KLHL25: variants seen among roughly 807,000 people sequenced by gnomAD.
KLHL25 encodes kelch-like protein 25.
Under a neutral mutation model 30.0 loss-of-function variants are expected in KLHL25, and 41 were observed. The observed-to-expected ratio is 1.37, with a 90% CI of 1.07 to 1.78. The LOEUF (loss-of-function observed/expected upper bound fraction) is 1.78, where lower values mean the gene tolerates loss of function less well. Ranked by LOEUF, KLHL25 falls within the 40% of genes most tolerant of loss-of-function variation. The pLI is 0.00. For missense variants in KLHL25, 971 were observed against 824.5 expected (o/e 1.18, Z -2.18); for synonymous variants, 399 against 355.3 (o/e 1.12, Z -1.38).
At chr15:85,770,439 G>A in intron 1 of KLHL25, 1 of 518,506 alleles carries the variant, frequency 1.9e-6, no homozygotes, top group Non-Finnish European at 4.0e-6. Context: ...AGCAGGCTCT[G>A]CCCTGGGCCG....
chr15:85,772,274 C>T (rs1012173480), intron 1 of KLHL25, among the ~76,000 whole-genome samples: 4 of 152,230 alleles, frequency 2.6e-5, no homozygotes, highest in African/African-American at 9.6e-5. Flanking sequence ...ACTGAGGTCA[C>T]GTTCAAGGGC....
rs764919196 is a variant in KLHL25 at position 85,769,560 on chromosome 15, T to G, written c.251A>C (p.Asp84Ala). The G allele has an allele frequency of 1.2e-6, 2 of 1,613,718 alleles. No individual in the cohort carries two copies. Among genetic ancestry groups the G allele is most frequent in the Non-Finnish European group, 1.7e-6 (2 of 1,180,024 alleles). The change falls in exon 2 of 3, where the codon GAT becomes GCT. Residue 84 changes from aspartate to alanine, a missense_variant. By Grantham distance (126) the Asp-to-Ala change is moderately radical. Coordinates refer to ENST00000337975, the MANE Select transcript of KLHL25 (RefSeq NM_022480.4). ...MFSHGLRESR[D>A]DTVNFQDNLH... ...GTTGTCCTGGAAGTTGACAGTGTCATCCCGGCTCTCCCGAAGGCCATGGCT... is the reference window on the plus strand; with the variant it reads ...GTTGTCCTGGAAGTTGACAGTGTCAGCCCGGCTCTCCCGAAGGCCATGGCT...
At chr15:85,773,130 C>T (rs7174861) in intron 1 of KLHL25, among the ~76,000 whole-genome samples, 4,108 of 152,336 alleles carry the variant, frequency 0.027, 201 homozygotes, top group African/African-American at 0.093. Context: ...GTACTGTCTC[C>T]CAAACTGCAC....
intron 1 of KLHL25, among the ~76,000 whole-genome samples, chr15:85,770,739 T>C (rs1257261062): frequency 2.0e-5 from 3 of 152,178 alleles, no homozygotes; most frequent in Admixed American, 2.0e-4. Context: ...GTCCCCCAGC[T>C]GACGCCAGGA....
rs1345544554 is a variant in KLHL25 at position 85,760,540 on chromosome 15, A to C, written c.*496T>G. ...CTGTCTTGGTCACCTTTCTGGTCTC[A>C]ACCCCTGGGAACCTAGTTTCCCAGG... On this transcript the variant is annotated 3_prime_UTR_variant, in exon 3 of 3. Transcript: ENST00000337975. 6.6e-6 allele frequency: 1 copy of C among 152,182 alleles called. No individual in the cohort carries two copies. Among genetic ancestry groups the C allele is most frequent in the East Asian group, 1.9e-4 (1 of 5,182 alleles). 9.4% of individuals were successfully genotyped at this position (152,182 alleles called of 1,614,324 possible).
chr15:85,767,918 T>C (rs992809517), intron 2 of KLHL25, 99 bp downstream of exon 2: 3 of 788,594 alleles, frequency 3.8e-6, no homozygotes, highest in African/African-American at 1.7e-5. Context: ...CAGACTTCCC[T>C]GGAAGACACG....
rs1301346068 is a variant in KLHL25 at position 85,789,802 on chromosome 15, G to A, written c.-11+4964C>T. On this transcript the variant is annotated intron_variant, in intron 1 of 2. Coordinates refer to ENST00000337975, the MANE Select transcript of KLHL25 (RefSeq NM_022480.4). The surrounding 1 kb of genome is among the most constrained non-coding windows in gnomAD (Gnocchi z 4.1). ...ACGCCTGCTCCCCTAAGCCCAGCCT[G>A]GTGCTCCCCTGATGCAGTCTTCTGT... Among the ~76,000 whole-genome samples, 3 of 152,154 alleles carry A rather than the reference G, an allele frequency of 2.0e-5. No individual in the cohort carries two copies. The highest frequency in any genetic ancestry group is 2.9e-5 in the Non-Finnish European group (2 of 68,022).
intron 2 of KLHL25, chr15:85,763,471 A>G (rs2089597491): frequency 1.3e-5 from 2 of 152,358 alleles, no homozygotes; most frequent in Admixed American, 6.5e-5. Flanking sequence ...GCCCTCCAAC[A>G]GCAGGACCTA....
chr15:85,786,057 G>C (rs759062715), intron 1 of KLHL25, among the ~76,000 whole-genome samples: 5 of 146,026 alleles, frequency 3.4e-5, no homozygotes, highest in Non-Finnish European at 5.9e-5. Flanking sequence ...TCAGAATCAG[G>C]AGGTGTCTAA....
chr15:85,786,452 C>A (rs188980783), intron 1 of KLHL25, among the ~76,000 whole-genome samples: 1 of 152,242 alleles, frequency 6.6e-6, no homozygotes, highest in Admixed American at 6.5e-5. Flanking sequence ...TATCATGGGG[C>A]CCGATGCCTC....
In KLHL25 at chr15:85,794,914, A is replaced by C. The variant is rs1173562273; in HGVS notation, c.-159T>G. On this transcript the variant is annotated 5_prime_UTR_variant, in exon 1 of 3. Coordinates refer to ENST00000337975, the MANE Select transcript of KLHL25 (RefSeq NM_022480.4). ...GCGATACAGCCTAGGCGCCGCCAACAAACTAGTTTCTCCGGCCTTCCCGCC... is the reference window on the plus strand; with the variant it reads ...GCGATACAGCCTAGGCGCCGCCAACCAACTAGTTTCTCCGGCCTTCCCGCC... The C allele has an allele frequency of 1.3e-5, 2 of 152,358 alleles. No homozygotes were observed. Among genetic ancestry groups the C allele is most frequent in the Middle Eastern group, 3.2e-3 (1 of 314 alleles). 9.4% of individuals were successfully genotyped at this position (152,358 alleles called of 1,614,324 possible).
chr15:85,783,694 TAA>T (rs34688793), intron 1 of KLHL25, among the ~76,000 whole-genome samples: 79,624 of 136,440 alleles, frequency 0.58, 22,728 homozygotes, highest in East Asian at 0.91. Flanking sequence ...TCCACCTCAA[TAA>T]AAAAAAAAAA....
At chr15:85,774,280 G>A (rs570073908) in intron 1 of KLHL25, among the ~76,000 whole-genome samples, 4 of 152,258 alleles carry the variant, frequency 2.6e-5, no homozygotes, top group Non-Finnish European at 4.4e-5. Context: ...GGCACATAGC[G>A]TAACTGCACA....
Position 85,769,326 on chromosome 15 carries a change from C to A in KLHL25, c.485G>T (p.Arg162Leu). The change falls in exon 2 of 3, where the codon CGC (arginine) becomes CTC (leucine). Residue 162 changes from arginine to leucine, a missense_variant. Coordinates refer to ENST00000337975, the MANE Select transcript of KLHL25 (RefSeq NM_022480.4). ...MMLLSDAHQC[R>L]RLYEFSWRMC... ...GCGCCAGGAGAACTCATACAGCCGG[C>A]GGCACTGGTGGGCGTCCGAGAGCAG... The A allele has an allele frequency of 6.2e-7, 1 of 1,614,086 alleles. No homozygotes were observed. Among genetic ancestry groups the A allele is most frequent in the Non-Finnish European group, 8.5e-7 (1 of 1,180,032 alleles).
intron 2 of KLHL25, among the ~76,000 whole-genome samples, chr15:85,765,407 C>T (rs1015206680): frequency 1.3e-5 from 2 of 151,916 alleles, no homozygotes; most frequent in African/African-American, 4.8e-5. Context: ...GGGTGGATCA[C>T]CTGAGGTCTG....
chr15:85,786,155 C>T (rs1183198191), intron 1 of KLHL25, among the ~76,000 whole-genome samples: 1 of 152,190 alleles, frequency 6.6e-6, no homozygotes, highest in Non-Finnish European at 1.5e-5. Flanking sequence ...GAAGCCCTCC[C>T]TACCAAAGCC....
At chr15:85,770,045 G>C (rs2089660786) in intron 1 of KLHL25, among the ~76,000 whole-genome samples, 1 of 152,246 alleles carries the variant, frequency 6.6e-6, no homozygotes, top group South Asian at 2.1e-4. Flanking sequence ...CAGGGTATGA[G>C]CCAGCTCTGG....
Position 85,769,336 on chromosome 15 carries a change from G to T in KLHL25, c.475C>A (p.His159Asn). 6.2e-7 allele frequency: 1 copy of T among 1,614,134 alleles called. No individual in the cohort carries two copies. Residue 159 changes from histidine (H) to asparagine (N), a missense_variant, in exon 2 of 3, where the codon CAC (histidine) becomes AAC (asparagine). Coordinates refer to ENST00000337975, the MANE Select transcript of KLHL25 (RefSeq NM_022480.4). ...AACTCATACAGCCGGCGGCACTGGT[G>T]GGCGTCCGAGAGCAGCATCATGCCC... ...CLGMMLLSDA[H>N]QCRRLYEFSW...
At chr15:85,767,954 TGG>T (rs2089635334) in intron 2 of KLHL25, 61 bp downstream of exon 2, 5 of 1,067,684 alleles carry the variant, frequency 4.7e-6, no homozygotes, top group Non-Finnish European at 5.4e-6. Flanking sequence ...TGGGAAGAGG[TGG>T]GACTGCATTC....
Sources: gnomAD v4.1 joint callset for allele counts (sites outside exome capture counted in the v4.1 genomes callset) on GRCh38, gnomAD v4.1.1 for gene constraint, Gnocchi (gnomAD v3.1) non-coding constraint, MANE v1.5 for transcripts, NCBI Gene and HGNC (gene_info 2026-07-23, HGNC 2026-07-21) for gene names.